NPFFR1: variants seen among roughly 807,000 people sequenced by gnomAD.
The protein encoded by NPFFR1 is neuropeptide FF receptor 1.
A neutral mutation model predicts 12.7 loss-of-function variants in NPFFR1; 17 were observed. The observed-to-expected ratio is 1.34, with a 90% CI of 0.92 to 2.01. The LOEUF (loss-of-function observed/expected upper bound fraction) is 2.01, where lower values mean the gene tolerates loss of function less well. Among genes scored for constraint, NPFFR1 ranks in the 30% most tolerant of loss-of-function variants. The pLI is 0.00. For synonymous variants in NPFFR1, 296 were observed against 264.5 expected (o/e 1.12, Z -1.16); for missense variants, 604 against 606.5 (o/e 1.00, Z 0.04).
At position 70,266,378 on chromosome 10, in the gene NPFFR1, C is replaced by T. The variant is rs902292055; in HGVS notation, c.21G>A (p.Gln7=). 1.9e-6 allele frequency: 3 copies of T among 1,612,434 alleles called. No homozygotes were observed. Among genetic ancestry groups the T allele is most frequent in the Admixed American group, 1.7e-5 (1 of 59,854 alleles). Residue 7 remains glutamine (Q), a synonymous_variant, in exon 2 of 4, where the codon CAG becomes CAA. Coordinates refer to ENST00000277942, the MANE Select transcript of NPFFR1 (RefSeq NM_022146.5). ...TTAGGGGCCAACTGCTGTTGGGAGG[C>T]TGGGAGGGCTCCCCTAGGACCAAAG... MEGEPS[Q]PPNSSWPLSQ... is the part of the protein sequence containing the mutation.
At position 70,248,467 on chromosome 10, in the gene NPFFR1, G is replaced by GGTTTT. The variant is rs1840473243; in HGVS notation, c.*6489_*6490insAAAAC. On this transcript the variant is annotated 3_prime_UTR_variant, in exon 4 of 4. Coordinates refer to ENST00000277942, the MANE Select transcript of NPFFR1 (RefSeq NM_022146.5). ...CAAAGTACGTAGTACTATGCCTGGC[G>GGTTTT]TTTTTTTTTTGTTTTTTGTTTTTTT... 1 of 96,742 alleles carries GGTTTT rather than the reference G, an allele frequency of 1.0e-5. No individual in the cohort carries two copies. The allele number at this position is 96,742 out of a possible 1,614,324, so 6.0% of individuals were successfully genotyped here. A position where few individuals can be genotyped will look rare whatever the true frequency, so the allele number is the denominator to read the frequency against.
rs1840473399 is a variant in NPFFR1 at position 70,248,467 on chromosome 10, G to GTTTTTGTTTTTTTTTT, written c.*6489_*6490insAAAAAAAAAACAAAAA. ...CAAAGTACGTAGTACTATGCCTGGC[G>GTTTTTGTTTTTTTTTT]TTTTTTTTTTGTTTTTTGTTTTTTT... On this transcript the variant is annotated 3_prime_UTR_variant, in exon 4 of 4. Transcript: ENST00000277942. 2 of 96,742 alleles carry GTTTTTGTTTTTTTTTT rather than the reference G, an allele frequency of 2.1e-5. No homozygotes were observed. Among genetic ancestry groups the GTTTTTGTTTTTTTTTT allele is most frequent in the African/African-American group, 4.0e-5 (1 of 24,706 alleles). The allele number at this position is 96,742 out of a possible 1,614,324, so 6.0% of individuals were successfully genotyped here.
intron 1 of NPFFR1, among the ~76,000 whole-genome samples, chr10:70,266,649 A>G (rs1840694715): frequency 6.6e-6 from 1 of 152,006 alleles, no homozygotes; most frequent in Non-Finnish European, 1.5e-5. Flanking sequence ...TAACTCCCCC[A>G]TCCCATTTAG....
At chr10:70,273,066 A>G (rs1840766243) in intron 1 of NPFFR1, among the ~76,000 whole-genome samples, 2 of 152,194 alleles carry the variant, frequency 1.3e-5, no homozygotes, top group African/African-American at 4.8e-5. Context: ...TCAGAAGGAA[A>G]CTGATACGTG....
At chr10:70,258,635 C>CA (rs1358501674) in intron 3 of NPFFR1, among the ~76,000 whole-genome samples, 1 of 152,188 alleles carries the variant, frequency 6.6e-6, no homozygotes, top group Non-Finnish European at 1.5e-5. Flanking sequence ...TGAGACATTT[C>CA]AAATGCTTAA....
chr10:70,260,955 C>T (rs544300640), intron 2 of NPFFR1, among the ~76,000 whole-genome samples: 11 of 152,250 alleles, frequency 7.2e-5, no homozygotes, highest in African/African-American at 2.4e-4. Flanking sequence ...CTCGTTTATA[C>T]AGTGCATTGG....
intron 1 of NPFFR1, among the ~76,000 whole-genome samples, chr10:70,270,119 G>A (rs747046649): frequency 6.6e-6 from 1 of 152,172 alleles, no homozygotes. Context: ...CTGTCTTGTT[G>A]GTGGCAGTGT....
In NPFFR1 at chr10:70,248,467, G is replaced by GTTTTTTTTTTTTTTTTT. The variant is rs71472949; in HGVS notation, c.*6489_*6490insAAAAAAAAAAAAAAAAA. ...CAAAGTACGTAGTACTATGCCTGGC[G>GTTTTTTTTTTTTTTTTT]TTTTTTTTTTGTTTTTTGTTTTTTT... On this transcript the variant is annotated 3_prime_UTR_variant, in exon 4 of 4. Transcript: ENST00000277942. The GTTTTTTTTTTTTTTTTT allele has an allele frequency of 1.9e-4, 18 of 96,740 alleles. 3 individuals carry two copies. Among genetic ancestry groups the GTTTTTTTTTTTTTTTTT allele is most frequent in the East Asian group, 5.3e-4 (2 of 3,794 alleles). 6.0% of individuals were successfully genotyped at this position (96,740 alleles called of 1,614,324 possible). A position where few individuals can be genotyped will look rare whatever the true frequency, so the allele number is the denominator to read the frequency against.
rs936573625 is a variant in NPFFR1, at chr10:70,247,673, A to G, written c.*7284T>C. On this transcript the variant is annotated 3_prime_UTR_variant, in exon 4 of 4. Transcript: ENST00000277942. The stretch of plus-strand genomic sequence containing the variant: ...CCACTGGCTATGTGACAGATAAACT[A>G]ATTTGCCCAAATCACTAAGCTTGGG... The G allele has an allele frequency of 3.9e-5, 6 of 152,212 alleles. No individual in the cohort carries two copies. Among genetic ancestry groups the G allele is most frequent in the Admixed American group, 3.9e-4 (6 of 15,276 alleles). 9.4% of individuals were successfully genotyped at this position (152,212 alleles called of 1,614,324 possible).
At position 70,283,867 on chromosome 10, in the gene NPFFR1, C is replaced by T. The variant is rs973448628; in HGVS notation, c.-191G>A. Among the ~76,000 whole-genome samples, 1 of 152,276 alleles carries T rather than the reference C, an allele frequency of 6.6e-6. No homozygotes were observed. The highest frequency in any genetic ancestry group is 2.4e-5 in the African/African-American group (1 of 41,560). On this transcript the variant is annotated 5_prime_UTR_variant, in exon 1 of 4. Coordinates refer to ENST00000277942, the MANE Select transcript of NPFFR1 (RefSeq NM_022146.5). ...GCGCTCCCAGGCCCCGGGCCCTGGC[C>T]GGTTTCCCTCCCCTCGGGCTGACTG...
In NPFFR1 at chr10:70,252,029, G is replaced by A. The variant is rs1840516886; in HGVS notation, c.*2928C>T. 1 of 152,184 alleles carries A rather than the reference G, an allele frequency of 6.6e-6. No individual in the cohort carries two copies. Among genetic ancestry groups the A allele is most frequent in the South Asian group, 2.1e-4 (1 of 4,824 alleles). The allele number at this position is 152,184 out of a possible 1,614,324, so 9.4% of individuals were successfully genotyped here. A position where few individuals can be genotyped will look rare whatever the true frequency, so the allele number is the denominator to read the frequency against. ...GAGAGACCCTGGTTCCCAACCTGGG[G>A]TCTCTGTCCTCAGGATTCACACAGG... On this transcript the variant is annotated 3_prime_UTR_variant, in exon 4 of 4. Coordinates refer to ENST00000277942, the MANE Select transcript of NPFFR1 (RefSeq NM_022146.5).
At chr10:70,269,902 T>C (rs1840730687) in intron 1 of NPFFR1, among the ~76,000 whole-genome samples, 1 of 152,216 alleles carries the variant, frequency 6.6e-6, no homozygotes, top group South Asian at 2.1e-4. Flanking sequence ...TATGCTCTGG[T>C]CACTTTGCCA....
Position 70,272,241 on chromosome 10 carries a change from AAAGAAGAAAG to A in NPFFR1, c.8-5860_8-5851del, listed in dbSNP as rs1564596720. Reference sequence around the variant, plus strand: ...GAAAGAAAGAAAGAAAGAAAGAAAGAAAGAAGAAAGAAGAAAGAAAATAATAGAAAGAAAA... The same window carrying A: ...GAAAGAAAGAAAGAAAGAAAGAAAGAAAGAAAGAAAATAATAGAAAGAAAA... On this transcript the variant is annotated intron_variant, in intron 1 of 3. Coordinates refer to ENST00000277942, the MANE Select transcript of NPFFR1 (RefSeq NM_022146.5). Among the ~76,000 whole-genome samples the A allele has an allele frequency of 1.1e-3, 151 of 139,650 alleles. 1 individual carries two copies. The highest frequency in any genetic ancestry group is 3.7e-3 in the Middle Eastern group (1 of 270). 91.6% of individuals were successfully genotyped at this position (139,650 alleles called of 152,430 possible).
At chr10:70,269,279 C>T (rs900992329) in intron 1 of NPFFR1, among the ~76,000 whole-genome samples, 2 of 152,006 alleles carry the variant, frequency 1.3e-5, no homozygotes, top group African/African-American at 4.8e-5. Context: ...GCCTCGGCCT[C>T]CTGAGTAGCC....
At chr10:70,278,770 T>G (rs550187854) in intron 1 of NPFFR1, among the ~76,000 whole-genome samples, 2 of 152,330 alleles carry the variant, frequency 1.3e-5, no homozygotes, top group East Asian at 3.9e-4. Flanking sequence ...AATCTGTAGG[T>G]TTAGCTTGAT....
intron 2 of NPFFR1, among the ~76,000 whole-genome samples, chr10:70,262,558 A>G (rs1840645085): frequency 6.6e-6 from 1 of 152,206 alleles, no homozygotes; most frequent in African/African-American, 2.4e-5. Flanking sequence ...AAACTACCTT[A>G]TGTGTATACT....
Position 70,283,967 on chromosome 10 carries a change from G to A in NPFFR1, c.-291C>T, listed in dbSNP as rs369541607. Among the ~76,000 whole-genome samples the A allele has an allele frequency of 1.5e-4, 23 of 152,288 alleles. No homozygotes were observed. Among genetic ancestry groups the A allele is most frequent in the African/African-American group, 5.3e-4 (22 of 41,574 alleles). On this transcript the variant is annotated 5_prime_UTR_variant, in exon 1 of 4. Coordinates refer to ENST00000277942, the MANE Select transcript of NPFFR1 (RefSeq NM_022146.5). ...CGCCTCCCGACCAGGGGAAGGAGGG[G>A]GCTCGTGAGGCGCAGTCGTCATGGC... is the stretch of plus-strand genomic sequence containing the variant.
At chr10:70,270,419 G>GA (rs1489889537) in intron 1 of NPFFR1, among the ~76,000 whole-genome samples, 2 of 152,196 alleles carry the variant, frequency 1.3e-5, no homozygotes, top group Non-Finnish European at 2.9e-5. Flanking sequence ...TGACTGGGGG[G>GA]ATCTGTGGGT....
chr10:70,283,517 G>A (rs1840884034), intron 1 of NPFFR1, among the ~76,000 whole-genome samples, 153 bp downstream of exon 1: 3 of 152,096 alleles, frequency 2.0e-5, no homozygotes, highest in African/African-American at 7.2e-5. Context: ...CCCTCACTCA[G>A]TGTCTCTGTC....
Sources: gnomAD v4.1 joint callset for allele counts (sites outside exome capture counted in the v4.1 genomes callset) on GRCh38, gnomAD v4.1.1 for gene constraint, MANE v1.5 for transcripts, NCBI Gene and HGNC (gene_info 2026-07-23, HGNC 2026-07-21) for gene names.